Variants in CNTN5 observed in about 807,000 individuals in gnomAD.
CNTN5 encodes the protein contactin 5, also known as contactin-5.
In CNTN5, 77 loss-of-function variants were observed where a neutral mutation model predicts 129.1. The ratio of observed to expected loss-of-function variants is 0.60; its 90% CI spans 0.50 to 0.72. CNTN5 has a LOEUF of 0.72. CNTN5 is among the 30% of genes least tolerant of loss of function. The pLI, the probability that CNTN5 is intolerant of heterozygous loss-of-function variation, is 0.00. For synonymous variants in CNTN5, 509 were observed against 465.6 expected (o/e 1.09, Z -1.20); for missense variants, 1,478 against 1,328.8 (o/e 1.11, Z -1.75).
intron 3 of CNTN5, among the ~76,000 whole-genome samples, chr11:99,598,988 T>A (rs576977221): frequency 2.0e-5 from 3 of 152,222 alleles, no homozygotes; most frequent in African/African-American, 7.2e-5. Context: ...TGAGATAAGA[T>A]TAGGAGAATT....
intron 2 of CNTN5, among the ~76,000 whole-genome samples, chr11:99,442,012 T>A (rs1279426872): frequency 6.6e-6 from 1 of 152,162 alleles, no homozygotes; most frequent in Admixed American, 6.5e-5. Flanking sequence ...TCCTGAGTTG[T>A]AATCTCCTCC....
intron 13 of CNTN5, among the ~76,000 whole-genome samples, chr11:100,086,896 C>T (rs7120624): frequency 0.031 from 4,678 of 151,520 alleles, 239 homozygotes; most frequent in African/African-American, 0.11. Flanking sequence ...GAAAATTTAT[C>T]GCTCTATGTA....
Position 99,421,250 on chromosome 11 carries a change from A to G in CNTN5, c.-71+95766A>G, listed in dbSNP as rs557256640. The stretch of plus-strand genomic sequence containing the variant: ...CAACATACCTCAGATTCCTTTACAG[A>G]GTTTATGGTATTGTGGAAGAGAGGT... On this transcript the variant is annotated intron_variant, in intron 2 of 24. Transcript: ENST00000524871. Among the ~76,000 whole-genome samples, 4 of 151,926 alleles carry G rather than the reference A, an allele frequency of 2.6e-5. No homozygotes were observed. In the East Asian group the frequency reaches 7.7e-4, roughly 29 times the overall value.
intron 1 of CNTN5, among the ~76,000 whole-genome samples, chr11:99,175,314 T>C (rs1468684683): frequency 6.6e-6 from 1 of 152,156 alleles, no homozygotes; most frequent in Non-Finnish European, 1.5e-5. Flanking sequence ...CAAACTGTCA[T>C]GTGGAAGAAA....
At chr11:99,404,037 A>G (rs36085637) in intron 2 of CNTN5, among the ~76,000 whole-genome samples, 113,040 of 151,686 alleles carry the variant, frequency 0.75, 42,967 homozygotes, top group African/African-American at 0.9. Context: ...TGGGTGCTCT[A>G]GTATCGGGTG....
chr11:100,294,146 G>A (rs1457098465), intron 18 of CNTN5, among the ~76,000 whole-genome samples: 3 of 151,418 alleles, frequency 2.0e-5, no homozygotes, highest in Admixed American at 6.6e-5. Flanking sequence ...TTTAATGAGT[G>A]GGGTAAGCGC....
chr11:100,080,647 G>A (rs1240888280), intron 13 of CNTN5, among the ~76,000 whole-genome samples: 3 of 152,076 alleles, frequency 2.0e-5, no homozygotes, highest in African/African-American at 7.2e-5. Flanking sequence ...TTGTCCCTTT[G>A]TTTCCACCTA....
At chr11:100,042,368 A>C (rs1159864021) in intron 9 of CNTN5, among the ~76,000 whole-genome samples, 1 of 152,158 alleles carries the variant, frequency 6.6e-6, no homozygotes, top group Non-Finnish European at 1.5e-5. Flanking sequence ...AAAGATATAC[A>C]ATGTTTCCTT....
At chr11:99,691,244 GTCT>G (rs1321306280) in intron 3 of CNTN5, among the ~76,000 whole-genome samples, 4 of 150,598 alleles carry the variant, frequency 2.7e-5, no homozygotes, top group African/African-American at 9.7e-5. Flanking sequence ...TTATGTCTCT[GTCT>G]TCTTTAACTC....
intron 21 of CNTN5, among the ~76,000 whole-genome samples, chr11:100,321,397 G>T (rs2138961500): frequency 6.7e-6 from 1 of 148,570 alleles, no homozygotes; most frequent in Non-Finnish European, 1.5e-5. Flanking sequence ...TTTGTATGTT[G>T]ATTTTTTTAT....
intron 21 of CNTN5, among the ~76,000 whole-genome samples, chr11:100,312,519 T>C (rs1167759717): frequency 6.6e-6 from 1 of 152,074 alleles, no homozygotes; most frequent in Non-Finnish European, 1.5e-5. Flanking sequence ...AATGAACCCA[T>C]AAAGCTTAAC....
At chr11:100,190,740 T>TTA (rs1555034960) in intron 13 of CNTN5, among the ~76,000 whole-genome samples, 13 of 151,666 alleles carry the variant, frequency 8.6e-5, no homozygotes, top group South Asian at 2.1e-4. Flanking sequence ...TTTTTTTTTT[T>TTA]TATATATGAC....
chr11:99,693,259 A>G (rs1470094033), intron 3 of CNTN5, among the ~76,000 whole-genome samples: 2 of 152,112 alleles, frequency 1.3e-5, no homozygotes, highest in African/African-American at 4.8e-5. Context: ...TTGGCATCAG[A>G]GAGGAAATAA....
At chr11:99,946,156 C>A (rs1157124283) in intron 7 of CNTN5, among the ~76,000 whole-genome samples, 1 of 152,096 alleles carries the variant, frequency 6.6e-6, no homozygotes, top group Non-Finnish European at 1.5e-5. Flanking sequence ...CACCTAACAA[C>A]TGGTTTGTAT....
At chr11:99,060,216 C>A (rs991291070) in intron 1 of CNTN5, among the ~76,000 whole-genome samples, 2 of 151,628 alleles carry the variant, frequency 1.3e-5, no homozygotes, top group Non-Finnish European at 2.9e-5. Flanking sequence ...TAACTACAAC[C>A]AAGACAACAA....
intron 1 of CNTN5, among the ~76,000 whole-genome samples, chr11:99,103,772 A>AC (rs1866858467): frequency 6.6e-6 from 1 of 152,048 alleles, no homozygotes; most frequent in Admixed American, 6.6e-5. Context: ...TTCAAAAAAA[A>AC]AAAAAAGATG....
rs192676439 is a variant in CNTN5 at position 99,536,766 on chromosome 11, A to G, written c.-70-19379A>G. ...TAACTCTGTTTTATGGATGAGAAAA[A>G]TGCTTAGGAAGTCCTGCCCAATAGA... On this transcript the variant is annotated intron_variant, in intron 2 of 24. Transcript: ENST00000524871. Among the ~76,000 whole-genome samples, 743 of 151,846 alleles carry G rather than the reference A, an allele frequency of 4.9e-3. 5 individuals are homozygous for G. Among genetic ancestry groups the G allele is most frequent in the Non-Finnish European group, 7.6e-3 (514 of 67,898 alleles).
At chr11:100,165,305 A>G (rs1947592935) in intron 13 of CNTN5, among the ~76,000 whole-genome samples, 1 of 151,804 alleles carries the variant, frequency 6.6e-6, no homozygotes, top group Non-Finnish European at 1.5e-5. Context: ...AGTGGGAAGT[A>G]TCAGATCCTG....
chr11:99,618,012 G>A (rs1296125504), intron 3 of CNTN5, among the ~76,000 whole-genome samples: 11 of 152,140 alleles, frequency 7.2e-5, no homozygotes, highest in Admixed American at 3.3e-4. Context: ...GAACTTTAAT[G>A]AAGGAGTGGA....
Sources: allele counts gnomAD v4.1 joint callset (sites outside exome capture counted in the v4.1 genomes callset), GRCh38; gene constraint gnomAD v4.1.1; transcripts MANE v1.5; gene names NCBI Gene and HGNC (gene_info 2026-07-23, HGNC 2026-07-21).